Variants in SEC61A2 observed in about 807,000 individuals in gnomAD.
SEC61A2 encodes SEC61 translocon subunit alpha 2.
In SEC61A2, 28 loss-of-function variants were observed where a neutral mutation model predicts 59.9. That is an observed-to-expected ratio of 0.47 (90% CI 0.35 to 0.64). The LOEUF is 0.64. Ranked by LOEUF, SEC61A2 falls within the 30% of genes least tolerant of loss-of-function variation. SEC61A2 has a pLI of 0.01. For missense variants in SEC61A2, 340 were observed against 585.9 expected (o/e 0.58, Z 4.33); for synonymous variants, 202 against 214.4 (o/e 0.94, Z 0.50).
At chr10:12,157,625 C>T (rs1267416695) in intron 8 of SEC61A2, among the ~76,000 whole-genome samples, 1 of 151,804 alleles carries the variant, frequency 6.6e-6, no homozygotes, top group Non-Finnish European at 1.5e-5. Flanking sequence ...GTCTCAGCCT[C>T]CTGAGTAGCT....
intron 3 of SEC61A2, among the ~76,000 whole-genome samples, chr10:12,139,552 A>G (rs188870055): frequency 6.6e-5 from 10 of 151,962 alleles, no homozygotes; most frequent in Admixed American, 3.3e-4. Context: ...TGGGAGGCCA[A>G]CGCAGGCGGA....
intron 8 of SEC61A2, 147 bp downstream of exon 8, chr10:12,157,214 G>A: frequency 1.4e-6 from 1 of 722,260 alleles, no homozygotes; most frequent in Non-Finnish European, 2.3e-6. Flanking sequence ...TCCAGACTCT[G>A]ATTTTAAGGT....
chr10:12,166,958 T>C (rs956587626), downstream of SEC61A2: 6 of 243,518 alleles, frequency 2.5e-5, no homozygotes, highest in Non-Finnish European at 5.1e-5. Flanking sequence ...GCCCCAAACA[T>C]GTCAGTCTTA....
chr10:12,143,648 G>A lies in SEC61A2; in HGVS notation c.220+453G>A, dbSNP rs773262381. 3.9e-5 allele frequency among the ~76,000 whole-genome samples: 6 copies of A among 152,172 alleles called. No individual in the cohort carries two copies. The highest frequency in any genetic ancestry group is 4.2e-4 in the South Asian group (2 of 4,808). ...CTCAGGAGGCTGAGGTAAGAGAATCGCTTGAACCTGGGAGATGGAGGTTGC... is the reference window on the plus strand; with the variant it reads ...CTCAGGAGGCTGAGGTAAGAGAATCACTTGAACCTGGGAGATGGAGGTTGC... On this transcript the variant is annotated intron_variant, in intron 4 of 11. Transcript: ENST00000298428. The surrounding 1 kb of genome is among the most constrained non-coding windows in gnomAD (Gnocchi z 4.8).
At chr10:12,139,442 G>C (rs1833959588) in intron 3 of SEC61A2, among the ~76,000 whole-genome samples, 1 of 151,482 alleles carries the variant, frequency 6.6e-6, no homozygotes, top group Non-Finnish European at 1.5e-5. Flanking sequence ...CTGAGGTTGG[G>C]AGTTTGAGAC....
At chr10:12,133,889 A>C (rs972119038) in intron 2 of SEC61A2, among the ~76,000 whole-genome samples, 1 of 152,252 alleles carries the variant, frequency 6.6e-6, no homozygotes, top group African/African-American at 2.4e-5. Flanking sequence ...TTAATCCTAG[A>C]TTGGCCAATT....
chr10:12,164,481 G>A lies in SEC61A2; in HGVS notation c.*27G>A. On this transcript the variant is annotated 3_prime_UTR_variant, in exon 12 of 12. Coordinates refer to ENST00000298428, the MANE Select transcript of SEC61A2 (RefSeq NM_018144.4). The surrounding 1 kb of genome is among the most constrained non-coding windows in gnomAD (Gnocchi z 7.3). ...TGTTCAAATATTTCATTTTGTGCGT[G>A]TGAAAGGGAAAACACTTTGACGGAT... 2.5e-6 allele frequency: 4 copies of A among 1,603,686 alleles called. No homozygotes were observed. The highest frequency in any genetic ancestry group is 2.6e-6 in the Non-Finnish European group (3 of 1,174,170).
intron 2 of SEC61A2, among the ~76,000 whole-genome samples, 171 bp downstream of exon 2, chr10:12,133,479 A>G (rs1833811514): frequency 6.6e-6 from 1 of 152,198 alleles, no homozygotes; most frequent in South Asian, 2.1e-4. Context: ...AATCTGTTTA[A>G]ATCTAGATAG....
chr10:12,149,509 TGAG>T lies in SEC61A2; in HGVS notation c.221-84_221-82del, dbSNP rs1466991996. 1 of 1,298,918 alleles carries T rather than the reference TGAG, an allele frequency of 7.7e-7. No homozygotes were observed. The highest frequency in any genetic ancestry group is 1.1e-6 in the Non-Finnish European group (1 of 948,530). 80.5% of individuals were successfully genotyped at this position (1,298,918 alleles called of 1,614,324 possible). On this transcript the variant is annotated intron_variant, in intron 4 of 11. Transcript: ENST00000298428. This position sits in a 1 kb window ranked among gnomAD's most constrained non-coding sequence, Gnocchi z 5.2. ...TTAAAATTTTCACGTGTGTTTCAGTTGAGGTAATTAGGGAGTGCGACACCTCTA... is the reference window on the plus strand; with the variant it reads ...TTAAAATTTTCACGTGTGTTTCAGTTGTAATTAGGGAGTGCGACACCTCTA...
At chr10:12,133,101 A>G in intron 1 of SEC61A2, 140 bp from the exon 2 acceptor site, 1 of 533,858 alleles carries the variant, frequency 1.9e-6, no homozygotes, top group Non-Finnish European at 3.4e-6. Context: ...GAAATGGAGA[A>G]CAGTATGATG....
intron 3 of SEC61A2, among the ~76,000 whole-genome samples, chr10:12,140,687 C>T (rs1409806300): frequency 6.6e-6 from 1 of 152,138 alleles, no homozygotes; most frequent in Non-Finnish European, 1.5e-5. Flanking sequence ...CCTCCGCCTC[C>T]CGGATTCAAG....
rs1392389054 is a variant in SEC61A2, at chr10:12,161,771, AT to A, written c.1168-437del. Among the ~76,000 whole-genome samples, 1 of 152,182 alleles carries A rather than the reference AT, an allele frequency of 6.6e-6. No individual in the cohort carries two copies. Among genetic ancestry groups the A allele is most frequent in the African/African-American group, 2.4e-5 (1 of 41,460 alleles). ...AAATAAATAAATAGATAAATAAAAA[AT>A]TTTTAAAAAAGTAAAATAAAACTTT... On this transcript the variant is annotated intron_variant, in intron 10 of 11. Coordinates refer to ENST00000298428, the MANE Select transcript of SEC61A2 (RefSeq NM_018144.4). The surrounding 1 kb of genome is among the most constrained non-coding windows in gnomAD (Gnocchi z 5.4).
Position 12,155,813 on chromosome 10 carries a change from T to C in SEC61A2, c.498T>C (p.Asp166=), listed in dbSNP as rs1564414666. ...FVAGLIVLLL[D]ELLQKGYGLG... The stretch of plus-strand genomic sequence containing the variant: ...CTGGTTTGATTGTGCTGCTGTTAGA[T>C]GAGCTGCTACAGAAGGGTTACGGCT... The change falls in exon 7 of 12, where the codon GAT becomes GAC. Residue 166 remains aspartate (D), a synonymous_variant. Coordinates refer to ENST00000298428, the MANE Select transcript of SEC61A2 (RefSeq NM_018144.4). The surrounding 1 kb of genome is among the most constrained non-coding windows in gnomAD (Gnocchi z 4.3). 2.5e-6 allele frequency: 4 copies of C among 1,614,272 alleles called. No individual in the cohort carries two copies. Among genetic ancestry groups the C allele is most frequent in the African/African-American group, 1.3e-5 (1 of 75,080 alleles).
At chr10:12,140,445 A>C (rs1833992651) in intron 3 of SEC61A2, among the ~76,000 whole-genome samples, 1 of 152,204 alleles carries the variant, frequency 6.6e-6, no homozygotes, top group South Asian at 2.1e-4. Context: ...GAATTTACTA[A>C]GTGAAATAAA....
Position 12,161,880 on chromosome 10 carries a change from A to G in SEC61A2, c.1168-333A>G, listed in dbSNP as rs111309125. On this transcript the variant is annotated intron_variant, in intron 10 of 11. Coordinates refer to ENST00000298428, the MANE Select transcript of SEC61A2 (RefSeq NM_018144.4). The surrounding 1 kb of genome is among the most constrained non-coding windows in gnomAD (Gnocchi z 5.4). ...CTTAAGCTTTAATTTATACATTTTT[A>G]ATGAGTCAGTGTCACCCCAACAGGC... 2.6e-5 allele frequency among the ~76,000 whole-genome samples: 4 copies of G among 152,336 alleles called. No homozygotes were observed. The highest frequency in any genetic ancestry group is 9.6e-5 in the African/African-American group (4 of 41,584).
chr10:12,146,519 T>G (rs1024521945), intron 4 of SEC61A2, among the ~76,000 whole-genome samples: 2 of 152,034 alleles, frequency 1.3e-5, no homozygotes, highest in African/African-American at 2.4e-5. Flanking sequence ...TCCTTTTTTT[T>G]TTGTTTTATT....
rs1384529471 is a variant in SEC61A2 at position 12,155,551 on chromosome 10, A to G, written c.463-227A>G. ...AAGTGTAAATAGACTTTAAAAGTTG[A>G]AATGTCTGCTTTATAATACAACAGT... On this transcript the variant is annotated intron_variant, in intron 6 of 11. Coordinates refer to ENST00000298428, the MANE Select transcript of SEC61A2 (RefSeq NM_018144.4). This position sits in a 1 kb window ranked among gnomAD's most constrained non-coding sequence, Gnocchi z 4.3. The G allele has an allele frequency of 1.5e-6, 1 of 685,068 alleles. No individual in the cohort carries two copies. The highest frequency in any genetic ancestry group is 2.7e-5 in the East Asian group (1 of 37,138). 42.4% of individuals were successfully genotyped at this position (685,068 alleles called of 1,614,324 possible). A position where few individuals can be genotyped will look rare whatever the true frequency, so the allele number is the denominator to read the frequency against.
chr10:12,166,776 T>C, downstream of SEC61A2: 1 of 491,720 alleles, frequency 2.0e-6, no homozygotes, highest in Non-Finnish European at 4.2e-6. Flanking sequence ...CTAAACTCAC[T>C]CAAGAAGCTA....
intron 2 of SEC61A2, among the ~76,000 whole-genome samples, chr10:12,135,064 A>C (rs1202393189): frequency 6.6e-6 from 1 of 151,636 alleles, no homozygotes; most frequent in Non-Finnish European, 1.5e-5. Context: ...CGAAAACCAA[A>C]CACCACATGT....
Sources: gnomAD v4.1 joint callset for allele counts (sites outside exome capture counted in the v4.1 genomes callset) on GRCh38, gnomAD v4.1.1 for gene constraint, Gnocchi (gnomAD v3.1) non-coding constraint, MANE v1.5 for transcripts, NCBI Gene and HGNC (gene_info 2026-07-23, HGNC 2026-07-21) for gene names.